The following NUAK1 variants were observed in gnomAD, a reference collection of about 807,000 sequenced individuals.
The protein encoded by NUAK1 is NUAK family kinase 1.
In NUAK1, 26 loss-of-function variants were observed where a neutral mutation model predicts 56.9. The ratio of observed to expected loss-of-function variants is 0.46; its 90% CI spans 0.33 to 0.63. The LOEUF is 0.63. Among genes scored for constraint, NUAK1 ranks in the 30% least tolerant of loss-of-function variants. The pLI, the probability that NUAK1 is intolerant of heterozygous loss-of-function variation, is 0.02. For synonymous variants in NUAK1, 337 were observed against 336.0 expected (o/e 1.00, Z -0.03); for missense variants, 727 against 876.1 (o/e 0.83, Z 2.15).
At position 106,067,277 on chromosome 12, in the gene NUAK1, G is replaced by A; in HGVS notation, c.1511C>T (p.Pro504Leu). 6.2e-7 allele frequency: 1 copy of A among 1,614,150 alleles called. No homozygotes were observed. Among genetic ancestry groups the A allele is most frequent in the African/African-American group, 1.3e-5 (1 of 75,034 alleles). ...NDVMGSSIPS[P>L]SPPDPARVTS... ...TACCCTGGCTGGGTCCGGGGGGCTG[G>A]GGGAGGGGATGCTGCTGCCCATCAC... is the stretch of plus-strand genomic sequence containing the variant. The change falls in exon 7 of 7, where the codon CCC (proline) becomes CTC (leucine). Residue 504 changes from proline to leucine, a missense_variant. Coordinates refer to ENST00000261402, the MANE Select transcript of NUAK1 (RefSeq NM_014840.3). This position sits in a 1 kb window ranked among gnomAD's most constrained non-coding sequence, Gnocchi z 6.0.
Position 106,138,220 on chromosome 12 carries a change from A to C in NUAK1, c.240+194T>G, listed in dbSNP as rs904530609. 2.0e-5 allele frequency among the ~76,000 whole-genome samples: 3 copies of C among 152,228 alleles called. No homozygotes were observed. Among genetic ancestry groups the C allele is most frequent in the African/African-American group, 7.2e-5 (3 of 41,462 alleles). ...AAATATGTGCAGACAGGATGTAACA[A>C]GTGTTTCAGGACAGAGACACGCCTG... On this transcript the variant is annotated intron_variant, in intron 1 of 6. Coordinates refer to ENST00000261402, the MANE Select transcript of NUAK1 (RefSeq NM_014840.3). The surrounding 1 kb of genome is among the most constrained non-coding windows in gnomAD (Gnocchi z 5.0).
At chr12:106,087,942 G>A (rs879896571) in intron 2 of NUAK1, among the ~76,000 whole-genome samples, 7 of 152,186 alleles carry the variant, frequency 4.6e-5, no homozygotes, top group Admixed American at 4.6e-4. Context: ...ATCTCAAGCC[G>A]GTTCCCGGCC....
chr12:106,122,163 C>T (rs1210904816), intron 1 of NUAK1, among the ~76,000 whole-genome samples: 2 of 152,076 alleles, frequency 1.3e-5, no homozygotes, highest in Non-Finnish European at 2.9e-5. Context: ...TATTTGTAGA[C>T]CAACAGTGCT....
At chr12:106,099,567 G>A (rs1234323029) in intron 2 of NUAK1, among the ~76,000 whole-genome samples, 6 of 152,114 alleles carry the variant, frequency 3.9e-5, no homozygotes, top group African/African-American at 7.2e-5. Flanking sequence ...CAGGAGCACC[G>A]AGTTCTGAGT....
In NUAK1 at chr12:106,094,971, C is replaced by T. The variant is rs143433811; in HGVS notation, c.362-8086G>A. On this transcript the variant is annotated intron_variant, in intron 2 of 6. Transcript: ENST00000261402. Reference sequence around the variant, plus strand: ...CGAGCCACTGGACTCCACCCTCCTTCCACAACCATCCCTGGGGAGCATTTC... The same window carrying T: ...CGAGCCACTGGACTCCACCCTCCTTTCACAACCATCCCTGGGGAGCATTTC... Among the ~76,000 whole-genome samples, 50 of 152,264 alleles carry T rather than the reference C, an allele frequency of 3.3e-4. 1 individual carries two copies. Among genetic ancestry groups the T allele is most frequent in the African/African-American group, 1.1e-3 (46 of 41,560 alleles).
At chr12:106,125,077 C>T (rs2033013276) in intron 1 of NUAK1, among the ~76,000 whole-genome samples, 1 of 151,740 alleles carries the variant, frequency 6.6e-6, no homozygotes, top group South Asian at 2.1e-4. Context: ...AAAATCTGGC[C>T]CAGAGCGCTC....
chr12:106,102,954 T>C (rs12230544), intron 2 of NUAK1, among the ~76,000 whole-genome samples: 3 of 152,186 alleles, frequency 2.0e-5, no homozygotes, highest in Non-Finnish European at 2.9e-5. Flanking sequence ...TCTAGTAACC[T>C]AAAGACCTTC....
At chr12:106,090,355 C>G (rs889391014) in intron 2 of NUAK1, among the ~76,000 whole-genome samples, 1 of 152,182 alleles carries the variant, frequency 6.6e-6, no homozygotes, top group African/African-American at 2.4e-5. Flanking sequence ...CTCAGTGTTT[C>G]ATCAAGGAGG....
chr12:106,067,966 A>G lies in NUAK1; in HGVS notation c.833-11T>C. 3 of 1,586,662 alleles carry G rather than the reference A, an allele frequency of 1.9e-6. No homozygotes were observed. The highest frequency in any genetic ancestry group is 2.6e-6 in the Non-Finnish European group (3 of 1,164,550). On this transcript the variant is annotated splice_polypyrimidine_tract_variant and intron_variant, in intron 6 of 6. Coordinates refer to ENST00000261402, the MANE Select transcript of NUAK1 (RefSeq NM_014840.3). This position sits in a 1 kb window ranked among gnomAD's most constrained non-coding sequence, Gnocchi z 6.0. Reference sequence around the variant, plus strand: ...TGAGTCCTCGAGCATCTAAGGGACAAGGGACAAAAAGAATCGGGCATTATG... The same window carrying G: ...TGAGTCCTCGAGCATCTAAGGGACAGGGGACAAAAAGAATCGGGCATTATG...
chr12:106,132,055 T>G (rs2033083414), intron 1 of NUAK1, among the ~76,000 whole-genome samples: 1 of 152,210 alleles, frequency 6.6e-6, no homozygotes, highest in African/African-American at 2.4e-5. Context: ...CAAATGAGAC[T>G]TCTGCTGTCT....
chr12:106,120,267 A>C (rs1033880236), intron 1 of NUAK1, among the ~76,000 whole-genome samples: 1 of 152,222 alleles, frequency 6.6e-6, no homozygotes, highest in Non-Finnish European at 1.5e-5. Flanking sequence ...CCCTTTGCTA[A>C]GGATAAGAAG....
intron 6 of NUAK1, among the ~76,000 whole-genome samples, chr12:106,069,224 T>C (rs2032378411): frequency 6.6e-6 from 1 of 152,334 alleles, no homozygotes; most frequent in East Asian, 1.9e-4. Context: ...TTTTTGCATA[T>C]GCACAGAGCA....
chr12:106,084,445 T>C (rs556432809), intron 3 of NUAK1, among the ~76,000 whole-genome samples: 5 of 152,222 alleles, frequency 3.3e-5, no homozygotes, highest in African/African-American at 1.2e-4. Context: ...GTCCTGAGGA[T>C]AACATTTCCT....
At chr12:106,103,811 G>T (rs945973896) in intron 2 of NUAK1, among the ~76,000 whole-genome samples, 4 of 152,178 alleles carry the variant, frequency 2.6e-5, no homozygotes, top group Admixed American at 2.0e-4. Context: ...GTTCTCACAA[G>T]ATCTGATGAT....
chr12:106,080,483 A>AT (rs762315271), intron 4 of NUAK1, among the ~76,000 whole-genome samples: 1 of 152,234 alleles, frequency 6.6e-6, no homozygotes, highest in African/African-American at 2.4e-5. Flanking sequence ...TTTAGTAGAC[A>AT]TGCTTCCAGA....
intron 1 of NUAK1, among the ~76,000 whole-genome samples, chr12:106,117,143 C>T (rs564646503): frequency 1.3e-5 from 2 of 152,266 alleles, no homozygotes; most frequent in African/African-American, 4.8e-5. Flanking sequence ...TATTCCTACC[C>T]CCAAGATGCC....
intron 1 of NUAK1, among the ~76,000 whole-genome samples, chr12:106,133,152 T>C (rs974164624): frequency 2.6e-5 from 4 of 152,202 alleles, no homozygotes; most frequent in Non-Finnish European, 5.9e-5. Context: ...CCTCCCATTG[T>C]GTCCCAGCAC....
chr12:106,077,476 T>C (rs736787), intron 4 of NUAK1, among the ~76,000 whole-genome samples: 19,813 of 152,228 alleles, frequency 0.13, 1,913 homozygotes, highest in East Asian at 0.51. Context: ...CCAAAAGCAT[T>C]AAAGCCACTG....
intron 2 of NUAK1, among the ~76,000 whole-genome samples, chr12:106,094,195 C>A (rs147724007): frequency 6.6e-6 from 1 of 152,118 alleles, no homozygotes; most frequent in Non-Finnish European, 1.5e-5. Context: ...CCATCAGGTC[C>A]GTCTCCTAGG....
Sources: gnomAD v4.1 joint callset for allele counts (sites outside exome capture counted in the v4.1 genomes callset) on GRCh38, gnomAD v4.1.1 for gene constraint, Gnocchi (gnomAD v3.1) non-coding constraint, MANE v1.5 for transcripts, NCBI Gene and HGNC (gene_info 2026-07-23, HGNC 2026-07-21) for gene names.